RARB: variants seen among roughly 807,000 people sequenced by gnomAD.
RARB encodes retinoic acid receptor beta.
Under a neutral mutation model 51.9 loss-of-function variants are expected in RARB, and 17 were observed. The observed-to-expected ratio is 0.33, with a 90% CI of 0.22 to 0.49. The LOEUF is 0.49. Among genes scored for constraint, RARB ranks in the 20% least tolerant of loss-of-function variants. The probability of loss-of-function intolerance (pLI) is 0.99; values close to 1 mark genes in which losing one functional copy is unlikely to be tolerated. For missense variants in RARB, 369 were observed against 550.8 expected (o/e 0.67, Z 3.30); for synonymous variants, 215 against 195.4 (o/e 1.10, Z -0.84).
chr3:25,103,087 G>C (rs577635712), intron 3 of RARB, among the ~76,000 whole-genome samples: 1 of 152,206 alleles, frequency 6.6e-6, no homozygotes, highest in African/African-American at 2.4e-5. Flanking sequence ...ACTTGTTGAG[G>C]GAGTGTAAGA....
At position 25,242,465 on chromosome 3, in the gene RARB, C is replaced by T. The variant is rs145940061; in HGVS notation, c.178+67890C>T. Among the ~76,000 whole-genome samples, 317 of 152,236 alleles carry T rather than the reference C, an allele frequency of 2.1e-3. 1 individual carries two copies. Among genetic ancestry groups the T allele is most frequent in the African/African-American group, 7.2e-3 (301 of 41,536 alleles). ...TCTTGTGTTTAAATCTTTAATCCAT[C>T]TTGAGTTAATCTTTGTATAAGGTGA... is the stretch of plus-strand genomic sequence containing the variant. On this transcript the variant is annotated intron_variant, in intron 5 of 11. Transcript: ENST00000383772.
chr3:25,102,259 G>T (rs1352904987), intron 3 of RARB, among the ~76,000 whole-genome samples: 6 of 152,140 alleles, frequency 3.9e-5, no homozygotes, highest in Non-Finnish European at 8.8e-5. Context: ...TGTTCAGATT[G>T]GCTGGGCACT....
chr3:25,220,828 T>C (rs1290974092), intron 5 of RARB, among the ~76,000 whole-genome samples: 1 of 152,194 alleles, frequency 6.6e-6, no homozygotes, highest in Non-Finnish European at 1.5e-5. Context: ...AGTCAGCCAC[T>C]TACTTCTTAT....
At chr3:25,218,620 ACTT>A (rs1701884155) in intron 5 of RARB, among the ~76,000 whole-genome samples, 2 of 152,040 alleles carry the variant, frequency 1.3e-5, no homozygotes, top group Non-Finnish European at 2.9e-5. Context: ...GAAACAAAAA[ACTT>A]CTTCAACTGC....
intron 5 of RARB, among the ~76,000 whole-genome samples, chr3:25,329,986 A>G (rs1036654994): frequency 6.6e-6 from 1 of 152,182 alleles, no homozygotes; most frequent in Non-Finnish European, 1.5e-5. Flanking sequence ...AAAGAAATGA[A>G]CAAATCCTCC....
intron 5 of RARB, among the ~76,000 whole-genome samples, chr3:25,582,231 T>A (rs569160543): frequency 6.6e-6 from 1 of 152,212 alleles, no homozygotes; most frequent in African/African-American, 2.4e-5. Flanking sequence ...GGCCTTTTAA[T>A]GCTTTCCTGA....
chr3:25,383,013 A>C (rs1160167457), intron 5 of RARB, among the ~76,000 whole-genome samples: 1 of 152,242 alleles, frequency 6.6e-6, no homozygotes, highest in African/African-American at 2.4e-5. Context: ...CATCTAGATT[A>C]GGAGGCCCGT....
intron 2 of RARB, among the ~76,000 whole-genome samples, chr3:24,923,044 A>G (rs1695250959): frequency 6.6e-6 from 1 of 152,162 alleles, no homozygotes; most frequent in South Asian, 2.1e-4. Flanking sequence ...GATGACTTGC[A>G]GCAGGTTACA....
intron 4 of RARB, among the ~76,000 whole-genome samples, chr3:25,572,296 TATCATTGTA>T (rs1158442006): frequency 3.3e-5 from 5 of 152,194 alleles, no homozygotes; most frequent in Non-Finnish European, 7.3e-5. Context: ...TCTTTATTAT[TATCATTGTA>T]ATCATTATTA....
intron 3 of RARB, among the ~76,000 whole-genome samples, chr3:25,530,655 G>T (rs986639598): frequency 6.6e-6 from 1 of 152,166 alleles, no homozygotes; most frequent in African/African-American, 2.4e-5. Flanking sequence ...AAGGAGTCTT[G>T]TAATTACAGC....
chr3:24,841,945 C>A (rs779760975), intron 1 of RARB, among the ~76,000 whole-genome samples: 3 of 152,044 alleles, frequency 2.0e-5, no homozygotes, highest in Non-Finnish European at 2.9e-5. Flanking sequence ...TTGAGAAATG[C>A]TCTCTTTTTA....
At chr3:25,583,866 GT>G (rs572420002) in intron 5 of RARB, among the ~76,000 whole-genome samples, 35 of 152,288 alleles carry the variant, frequency 2.3e-4, no homozygotes, top group Admixed American at 1.9e-3. Flanking sequence ...CTGCAGATGG[GT>G]TTTTTATGTT....
chr3:25,206,022 C>T (rs182218673), intron 5 of RARB, among the ~76,000 whole-genome samples: 10 of 152,286 alleles, frequency 6.6e-5, no homozygotes, highest in African/African-American at 2.4e-4. Flanking sequence ...CTAGGCTAAG[C>T]TATGATGCTT....
rs142157265 is a variant in RARB at position 25,411,508 on chromosome 3, G to A, written c.179-49685G>A. Among the ~76,000 whole-genome samples the A allele has an allele frequency of 4.4e-3, 670 of 152,240 alleles. 7 individuals carry two copies. Among genetic ancestry groups the A allele is most frequent in the African/African-American group, 0.016 (644 of 41,540 alleles). On this transcript the variant is annotated intron_variant, in intron 5 of 11. Transcript: ENST00000383772. ...CTAGGCTCAGATTATTTCCCTACGC[G>A]AATCACCTACATTCTAAAGTCATGT...
chr3:24,946,775 A>C (rs2125403391), intron 2 of RARB, among the ~76,000 whole-genome samples: 1 of 152,254 alleles, frequency 6.6e-6, no homozygotes, highest in East Asian at 1.9e-4. Flanking sequence ...TGAGGTGGGA[A>C]GATCATTTGA....
At chr3:25,263,051 C>G (rs1703044186) in intron 5 of RARB, among the ~76,000 whole-genome samples, 1 of 152,084 alleles carries the variant, frequency 6.6e-6, no homozygotes, top group Admixed American at 6.6e-5. Flanking sequence ...TGGGACCCCT[C>G]TAGGGATCAG....
chr3:24,938,220 T>C lies in RARB; in HGVS notation c.-380+79468T>C, dbSNP rs566660745. Among the ~76,000 whole-genome samples, 6 of 152,238 alleles carry C rather than the reference T, an allele frequency of 3.9e-5. No homozygotes were observed. In the South Asian group the frequency reaches 1.2e-3, roughly 32 times the overall value. On this transcript the variant is annotated intron_variant, in intron 2 of 11. Coordinates refer to the RARB transcript ENST00000383772. ...GTTGAACCATATGAAATTGACACTT[T>C]TATATGTCAAAATCAATTGAACACT...
chr3:25,254,003 G>A (rs972067229), intron 5 of RARB, among the ~76,000 whole-genome samples: 3 of 152,144 alleles, frequency 2.0e-5, no homozygotes, highest in Non-Finnish European at 2.9e-5. Flanking sequence ...CATATACAGT[G>A]CTTTCTAGTA....
At chr3:25,092,352 T>C (rs564862800) in intron 3 of RARB, among the ~76,000 whole-genome samples, 2 of 152,284 alleles carry the variant, frequency 1.3e-5, no homozygotes, top group South Asian at 4.1e-4. Context: ...TTTGTTCATT[T>C]GTTTGCCCAA....
Sources: allele counts gnomAD v4.1 joint callset (sites outside exome capture counted in the v4.1 genomes callset), GRCh38; gene constraint gnomAD v4.1.1; transcripts MANE v1.5; gene names NCBI Gene and HGNC (gene_info 2026-07-23, HGNC 2026-07-21).